The following LRMDA variants were observed in gnomAD, a reference collection of about 807,000 sequenced individuals.
LRMDA encodes leucine rich melanocyte differentiation associated.
Under a neutral mutation model 29.8 loss-of-function variants are expected in LRMDA, and 18 were observed. The observed-to-expected ratio is 0.60, with a 90% CI of 0.42 to 0.90. The LOEUF is 0.90. Ranked by LOEUF, LRMDA falls within the 40% of genes least tolerant of loss-of-function variation. The pLI is 0.00. For synonymous variants in LRMDA, 125 were observed against 109.4 expected, an observed-to-expected ratio of 1.14 and a Z score of -0.89; for missense variants, 273 against 273.9, an observed-to-expected ratio of 1.00 and a Z score of 0.02.
At chr10:76,017,915 G>A (rs553232958) in intron 2 of LRMDA, among the ~76,000 whole-genome samples, 12 of 152,296 alleles carry the variant, frequency 7.9e-5, no homozygotes, top group Non-Finnish European at 1.6e-4. Flanking sequence ...TTCTAGTGAC[G>A]TTGGAGAAGG....
intron 2 of LRMDA, among the ~76,000 whole-genome samples, chr10:75,826,956 CT>C (rs1258094802): frequency 1.3e-5 from 2 of 152,072 alleles, no homozygotes; most frequent in African/African-American, 4.8e-5. Context: ...CAGAAAATTA[CT>C]TTTTTTGTGT....
At chr10:76,267,214 T>C (rs895582635) in intron 5 of LRMDA, among the ~76,000 whole-genome samples, 5 of 152,196 alleles carry the variant, frequency 3.3e-5, no homozygotes, top group Non-Finnish European at 7.3e-5. Flanking sequence ...TTTGTTTTTT[T>C]TAAACAGCTA....
rs1011095379 is a variant in LRMDA at position 76,241,556 on chromosome 10, A to G, written c.517-82845A>G. Reference sequence around the variant, plus strand: ...CACAGCAGATAACTTGGTTTGAAACATAGTTTCTGTGGGCATTGACTGTAT... The same window carrying G: ...CACAGCAGATAACTTGGTTTGAAACGTAGTTTCTGTGGGCATTGACTGTAT... On this transcript the variant is annotated intron_variant, in intron 5 of 6. Transcript: ENST00000611255. Among the ~76,000 whole-genome samples the G allele has an allele frequency of 9.5e-4, 145 of 152,294 alleles. 1 individual carries two copies. Among genetic ancestry groups the G allele is most frequent in the African/African-American group, 3.3e-3 (138 of 41,570 alleles).
chr10:75,854,863 C>T (rs1380537614), intron 2 of LRMDA, among the ~76,000 whole-genome samples: 1 of 152,088 alleles, frequency 6.6e-6, no homozygotes, highest in African/African-American at 2.4e-5. Flanking sequence ...TGATGGTTTC[C>T]AGCTTCATCC....
chr10:76,480,378 A>T (rs938891524), intron 6 of LRMDA, among the ~76,000 whole-genome samples: 2 of 151,998 alleles, frequency 1.3e-5, no homozygotes, highest in Non-Finnish European at 2.9e-5. Flanking sequence ...CATGATAAAA[A>T]TATACTGAAT....
rs546759901 is a variant in LRMDA at position 76,105,223 on chromosome 10, A to G, written c.516+46440A>G. Among the ~76,000 whole-genome samples the G allele has an allele frequency of 2.0e-5, 3 of 152,260 alleles. No individual in the cohort carries two copies. The East Asian group carries it at 5.8e-4, about 29-fold the overall frequency. Reference sequence around the variant, plus strand: ...TTTATTGACATAAATATTATGCTTAATATTTATCATCTGTCTCTACCTGCT... The same window carrying G: ...TTTATTGACATAAATATTATGCTTAGTATTTATCATCTGTCTCTACCTGCT... On this transcript the variant is annotated intron_variant, in intron 5 of 6. Coordinates refer to ENST00000611255, the MANE Select transcript of LRMDA (RefSeq NM_001305581.2).
At chr10:75,593,080 C>T (rs1840743743) in intron 2 of LRMDA, among the ~76,000 whole-genome samples, 1 of 152,224 alleles carries the variant, frequency 6.6e-6, no homozygotes, top group African/African-American at 2.4e-5. Flanking sequence ...TGTCAAAAAA[C>T]GGAATGATGT....
At chr10:76,248,724 A>G (rs760230553) in intron 5 of LRMDA, among the ~76,000 whole-genome samples, 20 of 151,604 alleles carry the variant, frequency 1.3e-4, no homozygotes, top group Non-Finnish European at 1.9e-4. Flanking sequence ...GAATTCCAGA[A>G]TTTTTCTGGG....
intron 5 of LRMDA, among the ~76,000 whole-genome samples, chr10:76,215,418 C>G (rs1478343056): frequency 1.3e-5 from 2 of 152,054 alleles, no homozygotes; most frequent in Non-Finnish European, 2.9e-5. Context: ...TTTCTGAGCT[C>G]CAATAGCCTC....
At chr10:75,455,660 AC>A (rs1282506102) in intron 2 of LRMDA, among the ~76,000 whole-genome samples, 1 of 152,188 alleles carries the variant, frequency 6.6e-6, no homozygotes, top group African/African-American at 2.4e-5. Flanking sequence ...CCCAGGTGAG[AC>A]CTGGGTTGGC....
chr10:76,326,758 A>G (rs917670393), intron 6 of LRMDA, among the ~76,000 whole-genome samples: 1 of 152,204 alleles, frequency 6.6e-6, no homozygotes, highest in Non-Finnish European at 1.5e-5. Context: ...TAGGTCCAAG[A>G]TTCATGTCCT....
At chr10:76,419,570 T>C (rs949079628) in intron 6 of LRMDA, among the ~76,000 whole-genome samples, 3 of 152,044 alleles carry the variant, frequency 2.0e-5, no homozygotes, top group African/African-American at 4.8e-5. Flanking sequence ...TTTCAATTCA[T>C]TGGGTGAATA....
At chr10:76,335,013 G>A (rs1184540309) in intron 6 of LRMDA, among the ~76,000 whole-genome samples, 1 of 152,204 alleles carries the variant, frequency 6.6e-6, no homozygotes, top group Non-Finnish European at 1.5e-5. Flanking sequence ...GGCCTTGGAT[G>A]AAGGTGAGAA....
rs1258614280 is a variant in LRMDA at position 76,389,528 on chromosome 10, G to A, written c.601+65043G>A. Reference sequence around the variant, plus strand: ...TCATTTTTAAGTGTACAGTTCAGTGGCGTTAAGTACCTTCACATTGTGGTA... The same window carrying A: ...TCATTTTTAAGTGTACAGTTCAGTGACGTTAAGTACCTTCACATTGTGGTA... On this transcript the variant is annotated intron_variant, in intron 6 of 6. Transcript: ENST00000611255. Among the ~76,000 whole-genome samples the A allele has an allele frequency of 2.0e-5, 3 of 152,076 alleles. No individual in the cohort carries two copies. The South Asian group carries it at 6.2e-4, about 32-fold the overall frequency.
chr10:75,987,086 G>C (rs1343254794), intron 2 of LRMDA, among the ~76,000 whole-genome samples: 1 of 151,934 alleles, frequency 6.6e-6, no homozygotes, highest in East Asian at 1.9e-4. Flanking sequence ...TTTTAAGAGA[G>C]CAGCCCTCAG....
intron 6 of LRMDA, among the ~76,000 whole-genome samples, chr10:76,365,155 G>T (rs1841378147): frequency 7.0e-6 from 1 of 143,110 alleles, no homozygotes; most frequent in African/African-American, 2.6e-5. Flanking sequence ...CTCATTGACT[G>T]GTGGACTTTT....
chr10:75,983,003 C>A (rs1300106084), intron 2 of LRMDA, among the ~76,000 whole-genome samples: 1 of 152,152 alleles, frequency 6.6e-6, no homozygotes, highest in Non-Finnish European at 1.5e-5. Flanking sequence ...GGTCACATAG[C>A]CCACATGGAC....
chr10:75,832,645 T>C (rs997872751), intron 2 of LRMDA, among the ~76,000 whole-genome samples: 2 of 152,206 alleles, frequency 1.3e-5, no homozygotes, highest in Non-Finnish European at 2.9e-5. Flanking sequence ...ACACTGCTGA[T>C]AAAGACATAC....
intron 5 of LRMDA, among the ~76,000 whole-genome samples, chr10:76,179,720 A>G (rs913214910): frequency 7.9e-5 from 12 of 152,162 alleles, no homozygotes; most frequent in African/African-American, 2.7e-4. Flanking sequence ...ACTCAAGATG[A>G]GGAAGATGTT....
Sources: allele counts gnomAD v4.1 joint callset (sites outside exome capture counted in the v4.1 genomes callset), GRCh38; gene constraint gnomAD v4.1.1; transcripts MANE v1.5; gene names NCBI Gene and HGNC (gene_info 2026-07-23, HGNC 2026-07-21).